The following FAM171A1 variants were observed in gnomAD, a reference collection of about 807,000 sequenced individuals.
FAM171A1 encodes protein FAM171A1.
Under a neutral mutation model 74.9 loss-of-function variants are expected in FAM171A1, and 23 were observed. The ratio of observed to expected loss-of-function variants is 0.31; its 90% CI spans 0.22 to 0.44. The LOEUF is 0.44. Among genes scored for constraint, FAM171A1 ranks in the 20% least tolerant of loss-of-function variants. The pLI, the probability that FAM171A1 is intolerant of heterozygous loss-of-function variation, is 1.00. For missense variants in FAM171A1, 1,162 were observed against 1,159.2 expected (o/e 1.00, Z -0.03); for synonymous variants, 527 against 505.7 (o/e 1.04, Z -0.57).
At chr10:15,222,658 T>C (rs567113148) in intron 5 of FAM171A1, among the ~76,000 whole-genome samples, 1 of 152,186 alleles carries the variant, frequency 6.6e-6, no homozygotes, top group Non-Finnish European at 1.5e-5. Context: ...TTATTCCCCC[T>C]GAAGAAAGAA....
chr10:15,246,037 G>A (rs905819946), intron 5 of FAM171A1, among the ~76,000 whole-genome samples: 3 of 152,068 alleles, frequency 2.0e-5, no homozygotes, highest in African/African-American at 7.2e-5. Flanking sequence ...ACTCCCTCCT[G>A]GAGGCACAGT....
chr10:15,277,581 T>C (rs959711732), intron 2 of FAM171A1, among the ~76,000 whole-genome samples: 10 of 152,146 alleles, frequency 6.6e-5, no homozygotes, highest in African/African-American at 2.4e-4. Context: ...GGTTTACAGA[T>C]GAGGAAGTAA....
At chr10:15,263,385 G>A (rs957924725) in intron 3 of FAM171A1, among the ~76,000 whole-genome samples, 2 of 152,098 alleles carry the variant, frequency 1.3e-5, no homozygotes, top group African/African-American at 4.8e-5. Flanking sequence ...AGATTTTGAT[G>A]GAAATGTGAT....
chr10:15,343,288 G>C (rs1236148757), intron 1 of FAM171A1, among the ~76,000 whole-genome samples: 1 of 152,220 alleles, frequency 6.6e-6, no homozygotes, highest in Non-Finnish European at 1.5e-5. Context: ...AGGATCGCTT[G>C]AGCCCAGGAG....
At chr10:15,250,008 A>G (rs1393320557) in intron 4 of FAM171A1, among the ~76,000 whole-genome samples, 1 of 152,224 alleles carries the variant, frequency 6.6e-6, no homozygotes, top group African/African-American at 2.4e-5. Flanking sequence ...AGCTACTTAT[A>G]TACTTACCTA....
chr10:15,271,377 G>A (rs1029297081), intron 3 of FAM171A1, among the ~76,000 whole-genome samples: 27 of 152,170 alleles, frequency 1.8e-4, no homozygotes, highest in African/African-American at 6.5e-4. Context: ...AGAAATATGG[G>A]ACTATGTGAA....
chr10:15,315,353 C>T (rs916415214), intron 1 of FAM171A1, among the ~76,000 whole-genome samples: 8 of 152,160 alleles, frequency 5.3e-5, no homozygotes, highest in East Asian at 1.9e-4. Context: ...TCGAAAACAC[C>T]GTACTTTGAG....
Position 15,213,226 on chromosome 10 carries a change from G to C in FAM171A1, c.2362C>G (p.Leu788Val). 1 of 1,614,148 alleles carries C rather than the reference G, an allele frequency of 6.2e-7. No homozygotes were observed. Among genetic ancestry groups the C allele is most frequent in the Non-Finnish European group, 8.5e-7 (1 of 1,180,032 alleles). Residue 788 changes from leucine (L) to valine (V), a missense_variant, in exon 8 of 8, where the codon CTC becomes GTC. By Grantham distance (32) the Leu-to-Val change is conservative. Coordinates refer to ENST00000378116, the MANE Select transcript of FAM171A1 (RefSeq NM_001010924.2). This position sits in a 1 kb window ranked among gnomAD's most constrained non-coding sequence, Gnocchi z 6.8. The stretch of plus-strand genomic sequence containing the variant: ...TGTTCCACGTCATCCAGGTACACGA[G>C]CTGCGTGTAGGCCGTGCTGTCTGGG... ...RAPDSTAYTQ[L>V]VYLDDVEQSG...
Position 15,213,297 on chromosome 10 carries a change from T to G in FAM171A1, c.2291A>C (p.Gln764Pro), listed in dbSNP as rs1833918124. 1.2e-6 allele frequency: 2 copies of G among 1,614,164 alleles called. No individual in the cohort carries two copies. Among genetic ancestry groups the G allele is most frequent in the Non-Finnish European group, 1.7e-6 (2 of 1,180,040 alleles). Residue 764 changes from glutamine (Q) to proline (P), a missense_variant, in exon 8 of 8, where the codon CAG becomes CCG. Physicochemically the swap from Gln to Pro is moderately conservative, Grantham distance 76. Coordinates refer to ENST00000378116, the MANE Select transcript of FAM171A1 (RefSeq NM_001010924.2). This position sits in a 1 kb window ranked among gnomAD's most constrained non-coding sequence, Gnocchi z 6.8. ...KGRGDALSLQ[Q>P]NYPPVQEHQQ... ...GTGCTCTTGGACGGGCGGGTAGTTCTGCTGCAGAGACAAAGCATCTCCCCT... is the reference window on the plus strand; with the variant it reads ...GTGCTCTTGGACGGGCGGGTAGTTCGGCTGCAGAGACAAAGCATCTCCCCT...
At chr10:15,248,910 C>T (rs1422560617) in intron 4 of FAM171A1, 95 bp from the exon 5 acceptor site, 7 of 1,162,254 alleles carry the variant, frequency 6.0e-6, no homozygotes, top group Non-Finnish European at 8.4e-6. Context: ...CTACCATTAC[C>T]TCCTATATGC....
At chr10:15,242,690 C>T (rs1834377734) in intron 5 of FAM171A1, among the ~76,000 whole-genome samples, 1 of 152,068 alleles carries the variant, frequency 6.6e-6, no homozygotes, top group Non-Finnish European at 1.5e-5. Context: ...ACTCAGGGGG[C>T]TGAGGTGGGA....
At chr10:15,278,325 T>C (rs1005041717) in intron 2 of FAM171A1, among the ~76,000 whole-genome samples, 1 of 152,200 alleles carries the variant, frequency 6.6e-6, no homozygotes, top group Non-Finnish European at 1.5e-5. Context: ...AGCTTGGTGC[T>C]GCAGAAACAG....
At position 15,258,717 on chromosome 10, in the gene FAM171A1, A is replaced by G. The variant is rs543260697; in HGVS notation, c.419-3838T>C. Among the ~76,000 whole-genome samples, 60 of 152,234 alleles carry G rather than the reference A, an allele frequency of 3.9e-4. 1 individual carries two copies. The highest frequency in any genetic ancestry group is 1.3e-3 in the Admixed American group (20 of 15,286). On this transcript the variant is annotated intron_variant, in intron 3 of 7. Coordinates refer to ENST00000378116, the MANE Select transcript of FAM171A1 (RefSeq NM_001010924.2). ...CTCGTCGACCTCTTCACAATGGTTG[A>G]CACTGTTTGCCCCTCCTGCCCACAA...
rs745811005 is a variant in FAM171A1, at chr10:15,331,813, GTGGGTA to G, written c.97+39137_97+39142del. Among the ~76,000 whole-genome samples the G allele has an allele frequency of 5.6e-3, 705 of 126,800 alleles. 3 individuals are homozygous for G. Among genetic ancestry groups the G allele is most frequent in the Non-Finnish European group, 0.011 (613 of 58,180 alleles). 83.2% of individuals were successfully genotyped at this position (126,800 alleles called of 152,430 possible). A position where few individuals can be genotyped will look rare whatever the true frequency, so the allele number is the denominator to read the frequency against. The stretch of plus-strand genomic sequence containing the variant: ...TGTGTGTGTGTATATATGTATATAT[GTGGGTA>G]TATATATGTGTGTATATATATGTGT... On this transcript the variant is annotated intron_variant, in intron 1 of 7. Coordinates refer to ENST00000378116, the MANE Select transcript of FAM171A1 (RefSeq NM_001010924.2).
chr10:15,295,166 G>A (rs925401014), intron 1 of FAM171A1, among the ~76,000 whole-genome samples: 2 of 152,070 alleles, frequency 1.3e-5, no homozygotes, highest in Non-Finnish European at 2.9e-5. Context: ...TTGAACTCCT[G>A]ACCTCAGGTG....
chr10:15,351,324 G>A (rs973962743), intron 1 of FAM171A1, among the ~76,000 whole-genome samples: 37 of 152,174 alleles, frequency 2.4e-4, no homozygotes, highest in Admixed American at 2.2e-3. Flanking sequence ...GCCCCCAAGA[G>A]AGATGAGCTG....
intron 1 of FAM171A1, among the ~76,000 whole-genome samples, chr10:15,289,331 G>A (rs1012671121): frequency 1.6e-4 from 25 of 152,064 alleles, no homozygotes; most frequent in African/African-American, 5.8e-4. Flanking sequence ...ATGCCCTAGG[G>A]TGCACTCTTT....
intron 1 of FAM171A1, among the ~76,000 whole-genome samples, chr10:15,312,704 T>G (rs1160448916): frequency 2.0e-5 from 2 of 98,092 alleles, no homozygotes; most frequent in Non-Finnish European, 2.1e-5. Context: ...TTTTTTTTTT[T>G]TTTTTTTTTT....
At chr10:15,290,640 A>G (rs1835091793) in intron 1 of FAM171A1, among the ~76,000 whole-genome samples, 1 of 152,194 alleles carries the variant, frequency 6.6e-6, no homozygotes, top group Non-Finnish European at 1.5e-5. Context: ...GAACTGGAAG[A>G]AGTGCCCCAA....
Sources: gnomAD v4.1 joint callset for allele counts (sites outside exome capture counted in the v4.1 genomes callset) on GRCh38, gnomAD v4.1.1 for gene constraint, Gnocchi (gnomAD v3.1) non-coding constraint, MANE v1.5 for transcripts, NCBI Gene and HGNC (gene_info 2026-07-23, HGNC 2026-07-21) for gene names.